The following RCAN2 variants were observed in gnomAD, a reference collection of about 807,000 sequenced individuals.
RCAN2 encodes calcipressin-2.
Under a neutral mutation model 23.6 loss-of-function variants are expected in RCAN2, and 9 were observed. That is an observed-to-expected ratio of 0.38 (90% CI 0.23 to 0.67). The LOEUF is 0.67. Among genes scored for constraint, RCAN2 ranks in the 30% least tolerant of loss-of-function variants. The probability of loss-of-function intolerance (pLI) is 0.51; values close to 1 mark genes in which losing one functional copy is unlikely to be tolerated. For missense variants in RCAN2, 273 were observed against 302.3 expected, an observed-to-expected ratio of 0.90 and a Z score of 0.72; for synonymous variants, 109 against 115.7, an observed-to-expected ratio of 0.94 and a Z score of 0.37.
At chr6:46,308,908 C>T (rs746455454) in intron 2 of RCAN2, among the ~76,000 whole-genome samples, 1 of 152,004 alleles carries the variant, frequency 6.6e-6, no homozygotes, top group Non-Finnish European at 1.5e-5. Flanking sequence ...GGCTTAAATA[C>T]TGGAGAGGAG....
In RCAN2 at chr6:46,240,860, T is replaced by C. The variant is rs993540428; in HGVS notation, c.571+5888A>G. On this transcript the variant is annotated intron_variant, in intron 4 of 4. Coordinates refer to ENST00000371374, the MANE Select transcript of RCAN2 (RefSeq NM_001251974.2). ...AAAATTGCCTTACTATGTCATGTTTTGATACAGAAGAATTTGGAAAAAAAT... is the reference window on the plus strand; with the variant it reads ...AAAATTGCCTTACTATGTCATGTTTCGATACAGAAGAATTTGGAAAAAAAT... Among the ~76,000 whole-genome samples, 12 of 152,318 alleles carry C rather than the reference T, an allele frequency of 7.9e-5. No individual in the cohort carries two copies. The South Asian group carries it at 8.3e-4, about 11-fold the overall frequency.
chr6:46,457,000 T>C (rs1468263028), intron 1 of RCAN2, 22 bp from the exon 2 acceptor site: 14 of 1,500,640 alleles, frequency 9.3e-6, no homozygotes, highest in Middle Eastern at 1.8e-4. Context: ...AAGATGAGCA[T>C]GTGTTACTGC....
At chr6:46,358,794 T>A (rs1349378711) in intron 2 of RCAN2, among the ~76,000 whole-genome samples, 1 of 152,052 alleles carries the variant, frequency 6.6e-6, no homozygotes, top group Non-Finnish European at 1.5e-5. Flanking sequence ...ACCTGGGAGA[T>A]AAGAAAAATC....
intron 4 of RCAN2, among the ~76,000 whole-genome samples, chr6:46,227,334 T>G (rs1241036858): frequency 6.6e-6 from 1 of 152,214 alleles, no homozygotes; most frequent in African/African-American, 2.4e-5. Flanking sequence ...TCTTTTTCTA[T>G]TACTGGAATA....
chr6:46,414,058 G>T (rs1766628410), intron 2 of RCAN2, among the ~76,000 whole-genome samples: 2 of 152,178 alleles, frequency 1.3e-5, no homozygotes. Context: ...GGGCCAATCT[G>T]TAGGGACTCT....
intron 2 of RCAN2, among the ~76,000 whole-genome samples, chr6:46,446,502 G>A (rs1320229495): frequency 6.6e-6 from 1 of 152,104 alleles, no homozygotes; most frequent in Non-Finnish European, 1.5e-5. Context: ...ATACAGTCAA[G>A]CATAGGAAAG....
chr6:46,340,161 C>T (rs1194180861), intron 2 of RCAN2, among the ~76,000 whole-genome samples: 1 of 152,142 alleles, frequency 6.6e-6, no homozygotes, highest in Non-Finnish European at 1.5e-5. Flanking sequence ...ATCTTCTACC[C>T]TAGTTGCAGC....
chr6:46,439,887 C>A (rs1353803111), intron 2 of RCAN2, among the ~76,000 whole-genome samples: 1 of 152,186 alleles, frequency 6.6e-6, no homozygotes, highest in African/African-American at 2.4e-5. Context: ...TCTAAAGAGG[C>A]TAGTTGAAGA....
chr6:46,341,165 T>C (rs1024516883), intron 2 of RCAN2, among the ~76,000 whole-genome samples: 1 of 152,206 alleles, frequency 6.6e-6, no homozygotes, highest in East Asian at 1.9e-4. Context: ...TGATTATATC[T>C]CTGAATCTTG....
chr6:46,319,693 T>C (rs1763548355), intron 2 of RCAN2, among the ~76,000 whole-genome samples: 1 of 152,228 alleles, frequency 6.6e-6, no homozygotes, highest in Admixed American at 6.5e-5. Flanking sequence ...AAATGTTTAG[T>C]ATTGTACATT....
intron 2 of RCAN2, among the ~76,000 whole-genome samples, chr6:46,397,372 A>AACACACCC (rs1766121893): frequency 6.8e-6 from 1 of 146,138 alleles, no homozygotes. Context: ...ATTTCACAGA[A>AACACACCC]ACACACACAC....
At chr6:46,229,593 T>G (rs1417499228) in intron 4 of RCAN2, among the ~76,000 whole-genome samples, 1 of 152,222 alleles carries the variant, frequency 6.6e-6, no homozygotes, top group Non-Finnish European at 1.5e-5. Context: ...CATCACATAG[T>G]TCTCTTGCCA....
At chr6:46,263,367 C>T (rs1180895135) in intron 2 of RCAN2, among the ~76,000 whole-genome samples, 2 of 151,922 alleles carry the variant, frequency 1.3e-5, no homozygotes, top group East Asian at 1.9e-4. Flanking sequence ...CTACCAAATA[C>T]CCTTCTTCTA....
intron 2 of RCAN2, among the ~76,000 whole-genome samples, chr6:46,411,828 TG>T (rs1315637071): frequency 4.6e-5 from 7 of 152,030 alleles, no homozygotes; most frequent in Admixed American, 4.6e-4. Flanking sequence ...TGTGCAGAAA[TG>T]TAATGGGCAA....
intron 2 of RCAN2, among the ~76,000 whole-genome samples, chr6:46,414,644 T>G (rs1360005892): frequency 6.6e-6 from 1 of 152,210 alleles, no homozygotes; most frequent in African/African-American, 2.4e-5. Context: ...GAGAAAAGAC[T>G]AACTTCCCTG....
chr6:46,337,883 T>C (rs1764192011), intron 2 of RCAN2, among the ~76,000 whole-genome samples: 1 of 152,222 alleles, frequency 6.6e-6, no homozygotes, highest in African/African-American at 2.4e-5. Context: ...TGACTGTGGC[T>C]GGGCTAGGGA....
At chr6:46,349,867 C>A (rs763631968) in intron 2 of RCAN2, among the ~76,000 whole-genome samples, 50 of 152,272 alleles carry the variant, frequency 3.3e-4, no homozygotes, top group Middle Eastern at 3.4e-3. Context: ...TCCACCTTTT[C>A]AAAAGCCAAT....
chr6:46,462,345 C>T (rs1027683346), intron 1 of RCAN2, among the ~76,000 whole-genome samples: 1 of 152,140 alleles, frequency 6.6e-6, no homozygotes, highest in Non-Finnish European at 1.5e-5. Context: ...ACGTTAATGG[C>T]AATGAAGACA....
At chr6:46,452,097 A>G (rs988482214) in intron 2 of RCAN2, among the ~76,000 whole-genome samples, 8 of 152,194 alleles carry the variant, frequency 5.3e-5, no homozygotes, top group African/African-American at 1.4e-4. Flanking sequence ...TTTGTTTACC[A>G]TTGAATCCCC....
Sources: gnomAD v4.1 joint callset for allele counts (sites outside exome capture counted in the v4.1 genomes callset) on GRCh38, gnomAD v4.1.1 for gene constraint, MANE v1.5 for transcripts, NCBI Gene and HGNC (gene_info 2026-07-23, HGNC 2026-07-21) for gene names.